The following ANKRD44 variants were observed in gnomAD, a reference collection of about 807,000 sequenced individuals.
The protein encoded by ANKRD44 is ankyrin repeat domain 44.
In ANKRD44, 35 loss-of-function variants were observed where a neutral mutation model predicts 116.0. The observed-to-expected ratio is 0.30, with a 90% CI of 0.23 to 0.40. The LOEUF (loss-of-function observed/expected upper bound fraction) is 0.40, where lower values mean the gene tolerates loss of function less well. Ranked by LOEUF, ANKRD44 falls within the 10% of genes least tolerant of loss-of-function variation. The pLI is 1.00. For synonymous variants in ANKRD44, 435 were observed against 461.8 expected (o/e 0.94, Z 0.74); for missense variants, 1,014 against 1,242.6 (o/e 0.82, Z 2.77).
intron 1 of ANKRD44, among the ~76,000 whole-genome samples, chr2:197,207,986 A>T (rs1260495510): frequency 1.3e-5 from 2 of 152,216 alleles, no homozygotes; most frequent in East Asian, 1.9e-4. Flanking sequence ...CCAAATGGTG[A>T]CAGGGAGTTT....
At chr2:196,979,554 CTTTTTT>C (rs71012942) in intron 21 of ANKRD44, among the ~76,000 whole-genome samples, 6 of 59,644 alleles carry the variant, frequency 1.0e-4, no homozygotes, top group Admixed American at 2.4e-4. Flanking sequence ...AATAAGATGA[CTTTTTT>C]TTTTTTTTTT....
chr2:197,180,992 A>G (rs1241674411), intron 2 of ANKRD44, among the ~76,000 whole-genome samples: 1 of 152,122 alleles, frequency 6.6e-6, no homozygotes, highest in Non-Finnish European at 1.5e-5. Context: ...TTGAGATTCA[A>G]TAATTAATCC....
At chr2:197,173,620 T>C (rs1232714176) in intron 2 of ANKRD44, among the ~76,000 whole-genome samples, 1 of 152,204 alleles carries the variant, frequency 6.6e-6, no homozygotes. Context: ...TATTGAAATG[T>C]ATCATTTCTG....
intron 16 of ANKRD44, among the ~76,000 whole-genome samples, chr2:197,054,863 T>C (rs745703625): frequency 6.6e-5 from 10 of 152,150 alleles, no homozygotes; most frequent in Admixed American, 1.3e-4. Context: ...ATGGGAGAGA[T>C]ATGGTCCCAG....
At chr2:197,223,549 A>G (rs1442156325) in intron 1 of ANKRD44, among the ~76,000 whole-genome samples, 2 of 152,202 alleles carry the variant, frequency 1.3e-5, no homozygotes, top group Non-Finnish European at 2.9e-5. Context: ...TCTCCATGTC[A>G]GTATGTGTGT....
intron 10 of ANKRD44, among the ~76,000 whole-genome samples, chr2:197,090,470 T>C (rs1018766728): frequency 4.6e-5 from 7 of 151,220 alleles, no homozygotes; most frequent in African/African-American, 1.7e-4. Flanking sequence ...AAGCAACCTG[T>C]TTCCTTTCTT....
chr2:197,151,729 C>T (rs2079656815), intron 2 of ANKRD44, among the ~76,000 whole-genome samples: 1 of 152,086 alleles, frequency 6.6e-6, no homozygotes, highest in African/African-American at 2.4e-5. Flanking sequence ...AATATCTAGC[C>T]CTCTAACCCT....
rs2081098373 is a variant in ANKRD44 at position 197,201,862 on chromosome 2, C to T, written c.28-14756G>A. Among the ~76,000 whole-genome samples the T allele has an allele frequency of 6.6e-6, 1 of 152,212 alleles. No homozygotes were observed. Among genetic ancestry groups the T allele is most frequent in the Non-Finnish European group, 1.5e-5 (1 of 68,030 alleles). On this transcript the variant is annotated intron_variant, in intron 1 of 27. Coordinates refer to ENST00000282272, the MANE Select transcript of ANKRD44 (RefSeq NM_001195144.2). This position sits in a 1 kb window ranked among gnomAD's most constrained non-coding sequence, Gnocchi z 4.0. ...CCCCTTTTGGGATTCACAGTGTTTACTATTCCCATCTTTGTGTCCTTGTGT... is the reference window on the plus strand; with the variant it reads ...CCCCTTTTGGGATTCACAGTGTTTATTATTCCCATCTTTGTGTCCTTGTGT...
At chr2:196,980,843 C>CAGTA (rs1259497944) in intron 21 of ANKRD44, among the ~76,000 whole-genome samples, 1 of 152,210 alleles carries the variant, frequency 6.6e-6, no homozygotes, top group East Asian at 1.9e-4. Flanking sequence ...TTCAGCCTGA[C>CAGTA]AGTAAATCAG....
At chr2:196,999,812 C>T (rs1483948344) in intron 23 of ANKRD44, among the ~76,000 whole-genome samples, 1 of 152,024 alleles carries the variant, frequency 6.6e-6, no homozygotes, top group Non-Finnish European at 1.5e-5. Flanking sequence ...CTAGGACGGT[C>T]TCTATCTCCT....
At chr2:196,998,850 A>G in intron 24 of ANKRD44, 57 bp downstream of exon 24, 1 of 1,590,350 alleles carries the variant, frequency 6.3e-7, no homozygotes, top group Non-Finnish European at 8.6e-7. Flanking sequence ...TCTTGATTTG[A>G]CATTATTTTG....
intron 1 of ANKRD44, among the ~76,000 whole-genome samples, chr2:197,275,745 T>A (rs2083061287): frequency 6.6e-6 from 1 of 151,108 alleles, no homozygotes. Context: ...TGCTGGCATA[T>A]GGGGGGTGGG....
At chr2:197,299,905 T>C (rs1344145416) in intron 1 of ANKRD44, among the ~76,000 whole-genome samples, 1 of 152,144 alleles carries the variant, frequency 6.6e-6, no homozygotes, top group Non-Finnish European at 1.5e-5. Flanking sequence ...CACCAAACCA[T>C]CTAGATCCTT....
intron 1 of ANKRD44, among the ~76,000 whole-genome samples, chr2:197,291,985 CCTGCAAAGGACATG>C (rs1281634124): frequency 1.3e-5 from 2 of 152,128 alleles, no homozygotes; most frequent in African/African-American, 4.8e-5. Flanking sequence ...CATCCATGTC[CCTGCAAAGGACATG>C]AACTCATCCC....
intron 1 of ANKRD44, among the ~76,000 whole-genome samples, chr2:197,230,278 T>A (rs2081826770): frequency 6.6e-6 from 1 of 152,152 alleles, no homozygotes; most frequent in East Asian, 1.9e-4. Context: ...GCCTTAAGAA[T>A]GTCACCATTT....
In ANKRD44 at chr2:197,185,656, G is replaced by T. The variant is rs79804207; in HGVS notation, c.111+1367C>A. Among the ~76,000 whole-genome samples the T allele has an allele frequency of 1.6e-3, 243 of 152,262 alleles. 9 individuals are homozygous for T. The East Asian group carries it at 0.046, about 29-fold the overall frequency. ...ATCATTTTACCTTTCTTTATTGAAGGTTTGTTTTTTTGTGTCAGGACCTTC... is the reference window on the plus strand; with the variant it reads ...ATCATTTTACCTTTCTTTATTGAAGTTTTGTTTTTTTGTGTCAGGACCTTC... On this transcript the variant is annotated intron_variant, in intron 2 of 27. Transcript: ENST00000282272.
chr2:196,977,669 T>G (rs2075770275), intron 21 of ANKRD44, among the ~76,000 whole-genome samples: 3 of 152,106 alleles, frequency 2.0e-5, no homozygotes, highest in Admixed American at 2.0e-4. Flanking sequence ...TCTACTAGGA[T>G]GGCCATAATA....
In ANKRD44 at chr2:197,125,411, G is replaced by T; in HGVS notation, c.520C>A (p.Arg174=). The T allele has an allele frequency of 1.2e-6, 2 of 1,614,146 alleles. No individual in the cohort carries two copies. Among genetic ancestry groups the T allele is most frequent in the Non-Finnish European group, 1.7e-6 (2 of 1,180,032 alleles). Residue 174 remains arginine (R), a synonymous_variant, in exon 6 of 28, where the codon CGG becomes AGG. Transcript: ENST00000282272. ...TATGCTGCCCAGTGCAGAGCACGCC[G>T]GTCCTTCTTGTCAAATGCATTGATA... is the stretch of plus-strand genomic sequence containing the variant. ...ANINAFDKKD[R]RALHWAAYMG...
At chr2:197,032,721 A>C (rs2076730747) in intron 16 of ANKRD44, among the ~76,000 whole-genome samples, 1 of 152,168 alleles carries the variant, frequency 6.6e-6, no homozygotes, top group South Asian at 2.1e-4. Flanking sequence ...TAATTTCAAT[A>C]ATTATTCATT....
Sources: gnomAD v4.1 joint callset for allele counts (sites outside exome capture counted in the v4.1 genomes callset) on GRCh38, gnomAD v4.1.1 for gene constraint, Gnocchi (gnomAD v3.1) non-coding constraint, MANE v1.5 for transcripts, NCBI Gene and HGNC (gene_info 2026-07-23, HGNC 2026-07-21) for gene names.